The following DYRK1B variants were observed in gnomAD, a reference collection of about 807,000 sequenced individuals.
DYRK1B encodes the protein dual specificity tyrosine phosphorylation regulated kinase 1B.
A neutral mutation model predicts 57.1 loss-of-function variants in DYRK1B; 20 were observed. The ratio of observed to expected loss-of-function variants is 0.35; its 90% CI spans 0.25 to 0.51. The LOEUF is 0.51. Among genes scored for constraint, DYRK1B ranks in the 20% least tolerant of loss-of-function variants. The pLI, the probability that DYRK1B is intolerant of heterozygous loss-of-function variation, is 0.96. For missense variants in DYRK1B, 732 were observed against 886.3 expected, an observed-to-expected ratio of 0.83 and a Z score of 2.21; for synonymous variants, 409 against 384.7, an observed-to-expected ratio of 1.06 and a Z score of -0.74.
Position 39,826,563 on chromosome 19 carries a change from G to T in DYRK1B, c.1411+109C>A. The T allele has an allele frequency of 8.1e-7, 1 of 1,229,708 alleles. No homozygotes were observed. The highest frequency in any genetic ancestry group is 1.1e-6 in the Non-Finnish European group (1 of 917,966). The allele number at this position is 1,229,708 out of a possible 1,614,324, so 76.2% of individuals were successfully genotyped here. On this transcript the variant is annotated intron_variant, in intron 9 of 10. Transcript: ENST00000323039. This position sits in a 1 kb window ranked among gnomAD's most constrained non-coding sequence, Gnocchi z 6.3. ...TCCCACACGTCATCTTACAGTTCAG[G>T]ATCAGTTTCGGCGCTTTGTGTGAAG...
intron 1 of DYRK1B, 149 bp from the exon 2 acceptor site, chr19:39,832,117 G>A: frequency 1.2e-6 from 1 of 816,484 alleles, no homozygotes. Context: ...GAAGAGAAGG[G>A]GCAGAGAAGT....
intron 1 of DYRK1B, chr19:39,833,309 G>A (rs2145043107): frequency 2.0e-6 from 2 of 985,484 alleles, no homozygotes; most frequent in Non-Finnish European, 1.2e-6. Context: ...GCTGGGGCGC[G>A]GTGGGGCCCC....
Position 39,830,750 on chromosome 19 carries a change from G to A in DYRK1B, c.97C>T (p.Leu33=). 6.2e-7 allele frequency: 1 copy of A among 1,614,030 alleles called. No individual in the cohort carries two copies. The highest frequency in any genetic ancestry group is 1.7e-5 in the Admixed American group (1 of 60,006). ...GTTGCATCCCGGAAGGCCAGGGGCA[G>A]CCTCCGAGGCAGTAGCCGCACATCA... The part of the protein sequence containing the change: ...LPDVRLLPRR[L]PLAFRDATSA... The change falls in exon 3 of 11, where the codon CTG becomes TTG. Residue 33 remains leucine (L), a synonymous_variant. Transcript: ENST00000323039.
intron 5 of DYRK1B, among the ~76,000 whole-genome samples, chr19:39,829,131 G>A (rs1157784923): frequency 6.6e-6 from 1 of 151,884 alleles, no homozygotes; most frequent in Non-Finnish European, 1.5e-5. Flanking sequence ...GCAAGTGACA[G>A]CACTTGAATG....
chr19:39,829,897 T>A lies in DYRK1B; in HGVS notation c.503A>T (p.Glu168Val). 6.2e-7 allele frequency: 1 copy of A among 1,613,742 alleles called. No individual in the cohort carries two copies. Among genetic ancestry groups the A allele is most frequent in the Non-Finnish European group, 8.5e-7 (1 of 1,180,008 alleles). ...LLELMNQHDT[E>V]MKYYIVHLKR... ...GGCCTCACCTATATAGTACTTCATCTCCGTGTCATGCTGGTTCATCAGCTC... is the reference window on the plus strand; with the variant it reads ...GGCCTCACCTATATAGTACTTCATCACCGTGTCATGCTGGTTCATCAGCTC... The change falls in exon 5 of 11, where the codon GAG becomes GTG. Residue 168 changes from glutamate (E) to valine (V), a missense_variant. Physicochemically the swap from Glu to Val is moderately radical, Grantham distance 121 (BLOSUM62 -2). Coordinates refer to ENST00000323039, the MANE Select transcript of DYRK1B (RefSeq NM_004714.3).
rs1234429699 is a variant in DYRK1B at position 39,828,143 on chromosome 19, G to A, written c.807+154C>T. Among the ~76,000 whole-genome samples, 1 of 152,068 alleles carries A rather than the reference G, an allele frequency of 6.6e-6. No individual in the cohort carries two copies. Among genetic ancestry groups the A allele is most frequent in the Non-Finnish European group, 1.5e-5 (1 of 67,998 alleles). ...CAGGCTTCACCCTTCCCATCCTAGT[G>A]GGCAGTATATTCACACCCCCACCCC... is the stretch of plus-strand genomic sequence containing the variant. On this transcript the variant is annotated intron_variant, in intron 6 of 10. Transcript: ENST00000323039. The surrounding 1 kb of genome is among the most constrained non-coding windows in gnomAD (Gnocchi z 4.3).
Position 39,826,935 on chromosome 19 carries a change from G to C in DYRK1B, c.1148C>G (p.Thr383Arg). The C allele has an allele frequency of 7.0e-7, 1 of 1,434,378 alleles. No homozygotes were observed. Among genetic ancestry groups the C allele is most frequent in the Non-Finnish European group, 9.1e-7 (1 of 1,104,160 alleles). 88.9% of individuals were successfully genotyped at this position (1,434,378 alleles called of 1,614,324 possible). The stretch of plus-strand genomic sequence containing the variant: ...CGCCCGCCGGCCCCCGGGCCCGCCC[G>C]TCTGCACGCCCAGCACCTCCTGCAG... ...RRLQEVLGVQ[T>R]GGPGGRRAGE... The change falls in exon 9 of 11, where the codon ACG becomes AGG. Residue 383 changes from threonine (T) to arginine (R), a missense_variant. Coordinates refer to ENST00000323039, the MANE Select transcript of DYRK1B (RefSeq NM_004714.3). This position sits in a 1 kb window ranked among gnomAD's most constrained non-coding sequence, Gnocchi z 6.3.
chr19:39,830,037 C>T lies in DYRK1B; in HGVS notation c.373-10G>A. On this transcript the variant is annotated splice_polypyrimidine_tract_variant and intron_variant, in intron 4 of 10. Coordinates refer to ENST00000323039, the MANE Select transcript of DYRK1B (RefSeq NM_004714.3). ...CATAGGCTTTCACCACCTGTTGGGGCAGGGCATGTCACGAAGAAAGGGGTG... is the reference window on the plus strand; with the variant it reads ...CATAGGCTTTCACCACCTGTTGGGGTAGGGCATGTCACGAAGAAAGGGGTG... The T allele has an allele frequency of 2.5e-6, 4 of 1,613,414 alleles. No homozygotes were observed. The highest frequency in any genetic ancestry group is 3.4e-6 in the Non-Finnish European group (4 of 1,179,634).
chr19:39,832,472 C>A (rs1443290190), intron 1 of DYRK1B, among the ~76,000 whole-genome samples: 1 of 152,096 alleles, frequency 6.6e-6, no homozygotes, highest in Non-Finnish European at 1.5e-5. Flanking sequence ...TAAGATCTAT[C>A]CTTCTCAGTA....
intron 1 of DYRK1B, among the ~76,000 whole-genome samples, chr19:39,832,575 C>T (rs1253107802): frequency 6.6e-6 from 1 of 152,182 alleles, no homozygotes; most frequent in Non-Finnish European, 1.5e-5. Context: ...CCTAAAACCA[C>T]ATCAGCGTCC....
chr19:39,831,683 T>A, intron 2 of DYRK1B, 122 bp downstream of exon 2: 1 of 1,263,362 alleles, frequency 7.9e-7, no homozygotes, highest in South Asian at 1.3e-5. Context: ...TCCAATCCCA[T>A]GGGACCCATT....
Position 39,825,921 on chromosome 19 carries a change from C to G in DYRK1B, c.1684G>C (p.Glu562Gln), listed in dbSNP as rs758329607. 2 of 1,550,398 alleles carry G rather than the reference C, an allele frequency of 1.3e-6. No individual in the cohort carries two copies. The highest frequency in any genetic ancestry group is 1.7e-6 in the Non-Finnish European group (2 of 1,150,092). The change falls in exon 11 of 11, where the codon GAG becomes CAG. Residue 562 changes from glutamate (E) to glutamine (Q), a missense_variant. By Grantham distance (29) the Glu-to-Gln change is conservative (BLOSUM62 2). Around this residue, in one of 2 missense-constraint regions of DYRK1B, gnomAD observed 222 missense variants for 205.0 expected, o/e 1.08. Coordinates refer to ENST00000323039, the MANE Select transcript of DYRK1B (RefSeq NM_004714.3). Reference protein sequence around the residue: ...PPSPTSPPPPELMDVSLVGGP... With the variant: ...PPSPTSPPPPQLMDVSLVGGP... ...CCCACCAGGCTCACATCCATCAGCTCCGGGGGTGGTGGTGAGGTTGGTGAT... is the reference window on the plus strand; with the variant it reads ...CCCACCAGGCTCACATCCATCAGCTGCGGGGGTGGTGGTGAGGTTGGTGAT...
chr19:39,833,033 G>T (rs536130239), intron 1 of DYRK1B: 9 of 985,202 alleles, frequency 9.1e-6, no homozygotes, highest in Admixed American at 6.1e-5. Flanking sequence ...CTCCTAGAGG[G>T]CCTCAAAGTC....
chr19:39,828,256 C>A lies in DYRK1B; in HGVS notation c.807+41G>T. 6.2e-7 allele frequency: 1 copy of A among 1,601,598 alleles called. No individual in the cohort carries two copies. Among genetic ancestry groups the A allele is most frequent in the Admixed American group, 1.7e-5 (1 of 59,492 alleles). On this transcript the variant is annotated intron_variant, in intron 6 of 10. Coordinates refer to ENST00000323039, the MANE Select transcript of DYRK1B (RefSeq NM_004714.3). This position sits in a 1 kb window ranked among gnomAD's most constrained non-coding sequence, Gnocchi z 4.3. ...AGCCTCCCGTTGGCTCTGCCCCACC[C>A]AAACTACTAGCCGTGCTCCCAGGAC...
rs1418269097 is a variant in DYRK1B, at chr19:39,826,704, G to A, written c.1379C>T (p.Ser460Phe). The A allele has an allele frequency of 1.2e-6, 2 of 1,606,228 alleles. No individual in the cohort carries two copies. Among genetic ancestry groups the A allele is most frequent in the Non-Finnish European group, 1.7e-6 (2 of 1,177,316 alleles). Reference sequence around the variant, plus strand: ...GGAGATGGAGCTGGCGGTGCTGGAAGAGGGGCAGGTGTCGAGGGGCGCGGG... The same window carrying A: ...GGAGATGGAGCTGGCGGTGCTGGAAAAGGGGCAGGTGTCGAGGGGCGCGGG... ...TSPAPLDTCP[S>F]SSTASSISSS... Residue 460 changes from serine to phenylalanine, a missense_variant, in exon 9 of 11, where the codon TCT (serine) becomes TTT (phenylalanine). Ser to Phe is a radical substitution (Grantham distance 155, BLOSUM62 -2). This residue lies in a region of DYRK1B where 510 missense variants were observed against 681.3 expected (regional missense o/e 0.75). Transcript: ENST00000323039. This position sits in a 1 kb window ranked among gnomAD's most constrained non-coding sequence, Gnocchi z 6.3.
In DYRK1B at chr19:39,827,410, G is replaced by A. The variant is rs764175273; in HGVS notation, c.970C>T (p.Arg324Cys). ...GGGATGCCCAGCACCTCCACAATGC[G>A]GTTCATCTGGTCGACCTGTGAGCAG... Reference protein sequence around the residue: ...SGSNEVDQMNRIVEVLGIPPA... With the variant: ...SGSNEVDQMNCIVEVLGIPPA... Residue 324 changes from arginine (R) to cysteine (C), a missense_variant, in exon 8 of 11, where the codon CGC (arginine) becomes TGC (cysteine). Coordinates refer to ENST00000323039, the MANE Select transcript of DYRK1B (RefSeq NM_004714.3). 4.6e-5 allele frequency: 74 copies of A among 1,612,254 alleles called. No individual in the cohort carries two copies. Among genetic ancestry groups the A allele is most frequent in the African/African-American group, 5.3e-5 (4 of 74,866 alleles).
Position 39,826,875 on chromosome 19 carries a change from C to T in DYRK1B, c.1208G>A (p.Arg403His), listed in dbSNP as rs866531075. 4.9e-6 allele frequency: 7 copies of T among 1,428,124 alleles called. No homozygotes were observed. The East Asian group carries it at 8.3e-5, about 17-fold the overall frequency. 88.5% of individuals were successfully genotyped at this position (1,428,124 alleles called of 1,614,324 possible). Reference sequence around the variant, plus strand: ...CATGCGCAGCACCAGGTCCTGGAAGCGGAGGTAGTCGGCGGGGCTGTGGCC... The same window carrying T: ...CATGCGCAGCACCAGGTCCTGGAAGTGGAGGTAGTCGGCGGGGCTGTGGCC... ...EPGHSPADYL[R>H]FQDLVLRMLE... The change falls in exon 9 of 11, where the codon CGC (arginine) becomes CAC (histidine). Residue 403 changes from arginine to histidine, a missense_variant. Physicochemically the swap from Arg to His is conservative, Grantham distance 29. Around this residue, in one of 2 missense-constraint regions of DYRK1B, gnomAD observed 510 missense variants for 681.3 expected, o/e 0.75. Coordinates refer to ENST00000323039, the MANE Select transcript of DYRK1B (RefSeq NM_004714.3). The surrounding 1 kb of genome is among the most constrained non-coding windows in gnomAD (Gnocchi z 6.3).
At chr19:39,830,932 G>T in intron 2 of DYRK1B, 149 bp from the exon 3 acceptor site, 1 of 947,794 alleles carries the variant, frequency 1.1e-6, no homozygotes, top group Non-Finnish European at 1.5e-6. Context: ...CCCCAGGGCT[G>T]AGACTTTCTC....
intron 1 of DYRK1B, chr19:39,833,208 C>T (rs1200360245): frequency 3.7e-5 from 36 of 985,630 alleles, no homozygotes; most frequent in Non-Finnish European, 4.2e-5. Context: ...CCCAAAAAAC[C>T]ACCTCTTCTC....
Sources: gnomAD v4.1 joint callset for allele counts (sites outside exome capture counted in the v4.1 genomes callset) on GRCh38, gnomAD v4.1.1 for gene constraint, gnomAD v4.1.1 regional missense constraint, Gnocchi (gnomAD v3.1) non-coding constraint, MANE v1.5 for transcripts, NCBI Gene and HGNC (gene_info 2026-07-23, HGNC 2026-07-21) for gene names.